GNG4: variants seen among roughly 807,000 people sequenced by gnomAD.
GNG4 encodes guanine nucleotide-binding protein G(I)/G(S)/G(O) subunit gamma-4.
Under a neutral mutation model 5.8 loss-of-function variants are expected in GNG4, and 4 were observed. The observed-to-expected ratio is 0.69, with a 90% CI of 0.34 to 1.57. The LOEUF (loss-of-function observed/expected upper bound fraction) is 1.57, where lower values mean the gene tolerates loss of function less well. GNG4 is among the 40% of genes most tolerant of loss of function. The pLI, the probability that GNG4 is intolerant of heterozygous loss-of-function variation, is 0.06. For synonymous variants in GNG4, 29 were observed against 32.9 expected (o/e 0.88, Z 0.41); for missense variants, 96 against 95.1 (o/e 1.01, Z -0.04).
intron 1 of GNG4, among the ~76,000 whole-genome samples, chr1:235,600,418 GTGTGTGTGTGTGTGTGTGTGTATA>G (rs1248026856): frequency 3.1e-5 from 3 of 96,526 alleles, no homozygotes; most frequent in African/African-American, 9.1e-5. Flanking sequence ...CCTGGCTTTT[GTGTGTGTGTGTGTGTGTGTGTATA>G]TGTGTGTGTG....
chr1:235,641,169 T>C (rs975248640), intron 1 of GNG4, among the ~76,000 whole-genome samples: 1 of 152,144 alleles, frequency 6.6e-6, no homozygotes, highest in Non-Finnish European at 1.5e-5. Context: ...GAGGATCACT[T>C]GAGGCCAGGA....
intron 1 of GNG4, among the ~76,000 whole-genome samples, chr1:235,609,023 G>A (rs1030026991): frequency 6.6e-6 from 1 of 151,966 alleles, no homozygotes; most frequent in Non-Finnish European, 1.5e-5. Context: ...ATAGAGACAG[G>A]GGTCTCACAT....
At chr1:235,558,349 T>TGGC (rs1686972115) in intron 3 of GNG4, among the ~76,000 whole-genome samples, 2 of 152,228 alleles carry the variant, frequency 1.3e-5, no homozygotes, top group Non-Finnish European at 2.9e-5. Context: ...ACCCCGTCTT[T>TGGC]TCACATAGCG....
At chr1:235,646,676 G>A (rs996692037) in intron 1 of GNG4, among the ~76,000 whole-genome samples, 8 of 152,134 alleles carry the variant, frequency 5.3e-5, no homozygotes, top group South Asian at 2.1e-4. Flanking sequence ...TGAGCACGGC[G>A]TCTTGCACAC....
chr1:235,620,571 T>C (rs1688688507), intron 1 of GNG4, among the ~76,000 whole-genome samples: 1 of 152,106 alleles, frequency 6.6e-6, no homozygotes, highest in Non-Finnish European at 1.5e-5. Context: ...AGTCTCGCTC[T>C]ATTGCCCAGA....
intron 1 of GNG4, among the ~76,000 whole-genome samples, chr1:235,638,361 T>C (rs1425676454): frequency 2.0e-5 from 3 of 152,218 alleles, no homozygotes; most frequent in African/African-American, 7.2e-5. Context: ...GAAATGGGTC[T>C]CGATGGACTA....
chr1:235,589,653 C>A, intron 2 of GNG4, among the ~76,000 whole-genome samples: 1 of 152,196 alleles, frequency 6.6e-6, no homozygotes, highest in South Asian at 2.1e-4. Flanking sequence ...AATGGGACAT[C>A]AGGGGAAATC....
At chr1:235,632,051 C>T (rs887612796) in intron 1 of GNG4, among the ~76,000 whole-genome samples, 2 of 152,160 alleles carry the variant, frequency 1.3e-5, no homozygotes, top group African/African-American at 2.4e-5. Flanking sequence ...CTGAACAGCC[C>T]GTCATGCAGG....
chr1:235,608,960 A>C (rs57144710), intron 1 of GNG4, among the ~76,000 whole-genome samples: 6,571 of 152,196 alleles, frequency 0.043, 479 homozygotes, highest in African/African-American at 0.15. Flanking sequence ...CTGGGATTAC[A>C]GGTATGAGCC....
chr1:235,600,246 C>G (rs145129269), intron 1 of GNG4, among the ~76,000 whole-genome samples: 3 of 151,544 alleles, frequency 2.0e-5, no homozygotes, highest in East Asian at 1.9e-4. Context: ...ACTCGAGTAG[C>G]TGGGATTACA....
chr1:235,650,092 T>TCCCCGC (rs554650700), upstream of GNG4: 7 of 144,996 alleles, frequency 4.8e-5, no homozygotes, highest in African/African-American at 1.3e-4. Flanking sequence ...GCTCCCGCGC[T>TCCCCGC]CCCCGCCCCC....
intron 1 of GNG4, among the ~76,000 whole-genome samples, chr1:235,596,464 C>T (rs1043791647): frequency 6.6e-6 from 1 of 151,636 alleles, no homozygotes; most frequent in African/African-American, 2.4e-5. Flanking sequence ...TTGAACCCGA[C>T]AGGCAGAGGT....
chr1:235,628,491 G>A (rs564998103), intron 1 of GNG4, among the ~76,000 whole-genome samples: 3 of 151,992 alleles, frequency 2.0e-5, no homozygotes, highest in South Asian at 2.1e-4. Flanking sequence ...GGGCAGTCTT[G>A]TGGAGAGTTT....
At position 235,550,040 on chromosome 1, in the gene GNG4, G is replaced by A. The variant is rs918500637; in HGVS notation, c.*2069C>T. 1.3e-5 allele frequency: 2 copies of A among 152,202 alleles called. No individual in the cohort carries two copies. Among genetic ancestry groups the A allele is most frequent in the Non-Finnish European group, 2.9e-5 (2 of 68,042 alleles). 9.4% of individuals were successfully genotyped at this position (152,202 alleles called of 1,614,324 possible). ...ACACAGCAAGTCTCTTTCAGAACTA[G>A]GGAGAGAGGCAGTTTCCAAATAAAC... On this transcript the variant is annotated 3_prime_UTR_variant, in exon 4 of 4. Transcript: ENST00000391854.
intron 3 of GNG4, among the ~76,000 whole-genome samples, chr1:235,562,695 T>C (rs1687099765): frequency 6.8e-6 from 1 of 146,118 alleles, no homozygotes; most frequent in South Asian, 2.1e-4. Context: ...AGAAGAAAAT[T>C]TGCTGGGATT....
chr1:235,631,361 A>C (rs1688928157), intron 1 of GNG4, among the ~76,000 whole-genome samples: 1 of 152,074 alleles, frequency 6.6e-6, no homozygotes, highest in East Asian at 1.9e-4. Context: ...AACTCTCTAA[A>C]ATTGTAATGT....
intron 3 of GNG4, chr1:235,565,691 C>CACAT: frequency 6.6e-6 from 1 of 152,234 alleles, no homozygotes; most frequent in Non-Finnish European, 1.5e-5. Flanking sequence ...ATAGCGAGAC[C>CACAT]CCCGTCTCTA....
intron 3 of GNG4, among the ~76,000 whole-genome samples, chr1:235,581,947 G>A (rs1687647772): frequency 6.6e-6 from 1 of 152,204 alleles, no homozygotes; most frequent in Admixed American, 6.5e-5. Context: ...CTTGCCAGAA[G>A]AGAACGCCTG....
intron 3 of GNG4, among the ~76,000 whole-genome samples, chr1:235,582,775 C>T (rs928476421): frequency 1.3e-4 from 20 of 152,308 alleles, no homozygotes; most frequent in African/African-American, 4.6e-4. Flanking sequence ...ACTTACATCA[C>T]GCTGGATTCC....
Sources: allele counts gnomAD v4.1 joint callset (sites outside exome capture counted in the v4.1 genomes callset), GRCh38; gene constraint gnomAD v4.1.1; transcripts MANE v1.5; gene names NCBI Gene and HGNC (gene_info 2026-07-23, HGNC 2026-07-21).